GPRC5B: variants seen among roughly 807,000 people sequenced by gnomAD.
GPRC5B encodes G protein-coupled receptor class C group 5 member B, also known as G protein-coupled receptor family C group 5 member B.
A neutral mutation model predicts 30.1 loss-of-function variants in GPRC5B; 16 were observed. The observed-to-expected ratio is 0.53, with a 90% CI of 0.36 to 0.81. The LOEUF (loss-of-function observed/expected upper bound fraction) is 0.81. Ranked by LOEUF, GPRC5B falls within the 30% of genes least tolerant of loss-of-function variation. The pLI is 0.01. For missense variants in GPRC5B, 428 were observed against 544.7 expected, an observed-to-expected ratio of 0.79 and a Z score of 2.13; for synonymous variants, 241 against 239.5, an observed-to-expected ratio of 1.01 and a Z score of -0.06.
chr16:19,876,409 C>G (rs1397391030), intron 1 of GPRC5B, among the ~76,000 whole-genome samples: 1 of 152,202 alleles, frequency 6.6e-6, no homozygotes, highest in Non-Finnish European at 1.5e-5. Context: ...CTGGTTTAGG[C>G]ACGTAAAGAG....
chr16:19,885,117 G>C, upstream of GPRC5B: 1 of 980,728 alleles, frequency 1.0e-6, no homozygotes, highest in South Asian at 1.4e-5. The surrounding 1 kb of genome is among the most constrained non-coding windows in gnomAD (Gnocchi z 5.3). Context: ...CACAACGTCA[G>C]TGCGCCCGTA....
chr16:19,876,302 G>C (rs1030156833), intron 1 of GPRC5B, among the ~76,000 whole-genome samples: 1 of 152,250 alleles, frequency 6.6e-6, no homozygotes, highest in Non-Finnish European at 1.5e-5. Context: ...CAGGGGGATA[G>C]AGACCAGCAA....
At chr16:19,865,644 G>A (rs1046582123) in intron 2 of GPRC5B, among the ~76,000 whole-genome samples, 11 of 152,292 alleles carry the variant, frequency 7.2e-5, no homozygotes, top group South Asian at 6.2e-4. Context: ...TTTGCAAGGA[G>A]TGAATTGATC....
intron 1 of GPRC5B, among the ~76,000 whole-genome samples, chr16:19,875,720 A>G (rs541722875): frequency 5.3e-5 from 8 of 152,328 alleles, no homozygotes; most frequent in African/African-American, 1.9e-4. Context: ...TGGAGGTTTC[A>G]GTGCGCCAAG....
chr16:19,880,875 G>T (rs1198724605), intron 1 of GPRC5B: 1 of 152,096 alleles, frequency 6.6e-6, no homozygotes, highest in Non-Finnish European at 1.5e-5. Flanking sequence ...TACCAGCACG[G>T]CTCCACCCTG....
chr16:19,863,491 CTTTT>C lies in GPRC5B; in HGVS notation c.1031-1522_1031-1519del, dbSNP rs10541805. ...GGGACCCAGGCAAGGAATCTGTGTT[CTTTT>C]TTTTTTTTTTTTTTTTTTTGAGACA... On this transcript the variant is annotated intron_variant, in intron 2 of 3. Coordinates refer to ENST00000300571, the MANE Select transcript of GPRC5B (RefSeq NM_016235.3). Among the ~76,000 whole-genome samples, 698 of 82,294 alleles carry C rather than the reference CTTTT, an allele frequency of 8.5e-3. 9 individuals are homozygous for C. Among genetic ancestry groups the C allele is most frequent in the African/African-American group, 0.032 (641 of 19,994 alleles). The allele number at this position is 82,294 out of a possible 152,430, so 54.0% of individuals were successfully genotyped here.
Position 19,872,892 on chromosome 16 carries a change from T to A in GPRC5B, c.-1-46A>T. 1 of 1,426,870 alleles carries A rather than the reference T, an allele frequency of 7.0e-7. No individual in the cohort carries two copies. The highest frequency in any genetic ancestry group is 9.8e-7 in the Non-Finnish European group (1 of 1,025,514). 88.4% of individuals were successfully genotyped at this position (1,426,870 alleles called of 1,614,324 possible). A position where few individuals can be genotyped will look rare whatever the true frequency, so the allele number is the denominator to read the frequency against. ...ATGGTTGGGGGGAAGGAAAGATGAA[T>A]TCATTGGAAGACTCCCCCTCTCCTG... On this transcript the variant is annotated intron_variant, in intron 1 of 3. Coordinates refer to ENST00000300571, the MANE Select transcript of GPRC5B (RefSeq NM_016235.3). The surrounding 1 kb of genome is among the most constrained non-coding windows in gnomAD (Gnocchi z 5.0).
At chr16:19,871,689 T>C in intron 2 of GPRC5B, 127 bp downstream of exon 2, 1 of 796,246 alleles carries the variant, frequency 1.3e-6, no homozygotes, top group Non-Finnish European at 2.1e-6. Flanking sequence ...AGTCAACATT[T>C]GTGGGTTCTG....
In GPRC5B at chr16:19,857,824, A is replaced by C. The variant is rs2056581779; in HGVS notation, c.*2676T>G. ...TCAACTCTGGAATCCCTGGAGATGC[A>C]CAGAACTTCCCAGTTTGTAAGCTGT... On this transcript the variant is annotated 3_prime_UTR_variant, in exon 4 of 4. Coordinates refer to ENST00000300571, the MANE Select transcript of GPRC5B (RefSeq NM_016235.3). 6.5e-6 allele frequency: 1 copy of C among 154,504 alleles called. No individual in the cohort carries two copies. The highest frequency in any genetic ancestry group is 2.0e-4 in the South Asian group (1 of 4,960). 9.6% of individuals were successfully genotyped at this position (154,504 alleles called of 1,614,324 possible).
At chr16:19,862,464 AGAC>A (rs1341008021) in intron 2 of GPRC5B, 10 of 152,626 alleles carry the variant, frequency 6.6e-5, no homozygotes, top group African/African-American at 2.2e-4. Flanking sequence ...AATAAAAGGG[AGAC>A]CTAAAGCCAA....
chr16:19,869,687 C>T (rs1204223451), intron 2 of GPRC5B, among the ~76,000 whole-genome samples: 4 of 152,126 alleles, frequency 2.6e-5, no homozygotes, highest in African/African-American at 9.7e-5. Context: ...ACCCAGATAA[C>T]ATCCATCTCA....
chr16:19,872,395 C>T lies in GPRC5B; in HGVS notation c.451G>A (p.Val151Met), dbSNP rs760559021. ...LSQAWRVRRL[V>M]RHGTGPAGWQ... Reference sequence around the variant, plus strand: ...CCCGCGGGGCCCGTGCCATGCCGCACCAGCCTCCGCACGCGCCATGCCTGG... The same window carrying T: ...CCCGCGGGGCCCGTGCCATGCCGCATCAGCCTCCGCACGCGCCATGCCTGG... Residue 151 changes from valine to methionine, a missense_variant, in exon 2 of 4, where the codon GTG (valine) becomes ATG (methionine). Physicochemically the swap from Val to Met is conservative, Grantham distance 21 (BLOSUM62 1). This residue lies in a region of GPRC5B where 196 missense variants were observed against 272.6 expected (regional missense o/e 0.72). Coordinates refer to ENST00000300571, the MANE Select transcript of GPRC5B (RefSeq NM_016235.3). This position sits in a 1 kb window ranked among gnomAD's most constrained non-coding sequence, Gnocchi z 5.0. 4 of 1,613,538 alleles carry T rather than the reference C, an allele frequency of 2.5e-6. No individual in the cohort carries two copies. The highest frequency in any genetic ancestry group is 3.4e-6 in the Non-Finnish European group (4 of 1,179,732).
At chr16:19,881,422 AAAG>A (rs1286958024) in intron 1 of GPRC5B, among the ~76,000 whole-genome samples, 2 of 152,040 alleles carry the variant, frequency 1.3e-5, no homozygotes, top group Non-Finnish European at 2.9e-5. Context: ...TACAACAAGA[AAAG>A]AAAAGTCAGG....
intron 1 of GPRC5B, among the ~76,000 whole-genome samples, chr16:19,881,928 T>G (rs956756692): frequency 6.6e-5 from 10 of 152,362 alleles, no homozygotes; most frequent in African/African-American, 2.2e-4. Context: ...AAGGCGTTTC[T>G]GCTGCATCCC....
In GPRC5B at chr16:19,857,596, C is replaced by T; in HGVS notation, c.*2904G>A. Reference sequence around the variant, plus strand: ...AGCACCTGCTGAGAACTCCTGTAAGCTGGTATCATCATTGCATCATTGGAT... The same window carrying T: ...AGCACCTGCTGAGAACTCCTGTAAGTTGGTATCATCATTGCATCATTGGAT... On this transcript the variant is annotated 3_prime_UTR_variant, in exon 4 of 4. Transcript: ENST00000300571. The T allele has an allele frequency of 2.9e-6, 1 of 339,862 alleles. No individual in the cohort carries two copies. Among genetic ancestry groups the T allele is most frequent in the Non-Finnish European group, 5.5e-6 (1 of 180,984 alleles). The allele number at this position is 339,862 out of a possible 1,614,324, so 21.1% of individuals were successfully genotyped here.
At chr16:19,866,031 G>C (rs2056663755) in intron 2 of GPRC5B, among the ~76,000 whole-genome samples, 1 of 152,132 alleles carries the variant, frequency 6.6e-6, no homozygotes. Context: ...CCGGGTTCAG[G>C]CAATTCTGCC....
chr16:19,868,704 C>G (rs2056686286), intron 2 of GPRC5B, among the ~76,000 whole-genome samples: 6 of 152,210 alleles, frequency 3.9e-5, no homozygotes, highest in Admixed American at 2.6e-4. Context: ...AAGAAGAGAG[C>G]AGCTGATAAA....
intron 1 of GPRC5B, among the ~76,000 whole-genome samples, chr16:19,873,200 C>T (rs1383147331): frequency 1.3e-5 from 2 of 152,058 alleles, no homozygotes; most frequent in African/African-American, 2.4e-5. Context: ...CGTGGTGGCT[C>T]ATGCTTGTAA....
chr16:19,872,145 G>A lies in GPRC5B; in HGVS notation c.701C>T (p.Ala234Val). ...GAGGAAGGCTGTGATGAGGAGGAAG[G>A]CCCCGTTCAGCTTCCACCTCTTGAA... ...GKFKRWKLNG[A>V]FLLITAFLSV... The change falls in exon 2 of 4, where the codon GCC becomes GTC. Residue 234 changes from alanine to valine, a missense_variant. Around this residue, in one of 3 missense-constraint regions of GPRC5B, gnomAD observed 213 missense variants for 229.1 expected, o/e 0.93. Coordinates refer to ENST00000300571, the MANE Select transcript of GPRC5B (RefSeq NM_016235.3). This position sits in a 1 kb window ranked among gnomAD's most constrained non-coding sequence, Gnocchi z 5.0. 6.2e-7 allele frequency: 1 copy of A among 1,613,936 alleles called. No individual in the cohort carries two copies. Among genetic ancestry groups the A allele is most frequent in the African/African-American group, 1.3e-5 (1 of 75,048 alleles).
Sources: allele counts gnomAD v4.1 joint callset (sites outside exome capture counted in the v4.1 genomes callset), GRCh38; gene constraint gnomAD v4.1.1; regional missense constraint gnomAD v4.1.1; non-coding constraint Gnocchi (gnomAD v3.1); transcripts MANE v1.5; gene names NCBI Gene and HGNC (gene_info 2026-07-23, HGNC 2026-07-21).